ADRA2C: variants seen among roughly 807,000 people sequenced by gnomAD.
The protein encoded by ADRA2C is alpha-2C adrenergic receptor.
A neutral mutation model predicts 7.9 loss-of-function variants in ADRA2C; 4 were observed. That is an observed-to-expected ratio of 0.51 (90% CI 0.25 to 1.16). The LOEUF (loss-of-function observed/expected upper bound fraction) is 1.16, where lower values mean the gene tolerates loss of function less well. Ranked by LOEUF, ADRA2C falls within the 50% of genes most tolerant of loss-of-function variation. The pLI is 0.15. For synonymous variants in ADRA2C, 368 were observed against 328.9 expected, an observed-to-expected ratio of 1.12 and a Z score of -1.29; for missense variants, 589 against 677.7, an observed-to-expected ratio of 0.87 and a Z score of 1.45.
chr4:3,767,372 G>A lies in ADRA2C; in HGVS notation c.766G>A (p.Ala256Thr), dbSNP rs1477215171. The A allele has an allele frequency of 3.2e-6, 5 of 1,540,678 alleles. No individual in the cohort carries two copies. The South Asian group carries it at 5.9e-5, about 18-fold the overall frequency. ...GCGCGCCCCCGTGGGCCCCGACGGTGCGTCCCCGACTACCGAAAACGGGCT... is the reference window on the plus strand; with the variant it reads ...GCGCGCCCCCGTGGGCCCCGACGGTACGTCCCCGACTACCGAAAACGGGCT... Reference protein sequence around the residue: ...EKRAPVGPDGASPTTENGLGA... With the variant: ...EKRAPVGPDGTSPTTENGLGA... Residue 256 changes from alanine to threonine, a missense_variant, in exon 1 of 1, where the codon GCG becomes ACG. Coordinates refer to ENST00000330055, the MANE Select transcript of ADRA2C (RefSeq NM_000683.4).
Position 3,766,769 on chromosome 4 carries a change from G to A in ADRA2C, c.163G>A (p.Ala55Thr), listed in dbSNP as rs1474771226. Residue 55 changes from alanine (A) to threonine (T), a missense_variant, in exon 1 of 1, where the codon GCT (alanine) becomes ACT (threonine). Transcript: ENST00000330055. This position sits in a 1 kb window ranked among gnomAD's most constrained non-coding sequence, Gnocchi z 4.5. ...QYSAGAVAGL[A>T]AVVGFLIVFT... ...CTCGGCGGGCGCGGTGGCAGGGCTG[G>A]CTGCCGTGGTGGGCTTCCTCATCGT... is the stretch of plus-strand genomic sequence containing the variant. 1 of 1,542,202 alleles carries A rather than the reference G, an allele frequency of 6.5e-7. No homozygotes were observed. The highest frequency in any genetic ancestry group is 2.4e-5 in the East Asian group (1 of 41,078).
In ADRA2C at chr4:3,766,569, C is replaced by T; in HGVS notation, c.-38C>T. The T allele has an allele frequency of 8.8e-7, 1 of 1,137,470 alleles. No individual in the cohort carries two copies. Among genetic ancestry groups the T allele is most frequent in the Non-Finnish European group, 1.1e-6 (1 of 928,406 alleles). The allele number at this position is 1,137,470 out of a possible 1,614,324, so 70.5% of individuals were successfully genotyped here. ...GCGCCCGAGCTGCCGCGGCTGCGCC[C>T]CGGCTCCAGGAGGGACGGCGTAGCT... On this transcript the variant is annotated 5_prime_UTR_variant, in exon 1 of 1. Coordinates refer to ENST00000330055, the MANE Select transcript of ADRA2C (RefSeq NM_000683.4). This position sits in a 1 kb window ranked among gnomAD's most constrained non-coding sequence, Gnocchi z 4.5.
Position 3,767,286 on chromosome 4 carries a change from G to C in ADRA2C, c.680G>C (p.Gly227Ala). Residue 227 changes from glycine to alanine, a missense_variant, in exon 1 of 1, where the codon GGC becomes GCC. Coordinates refer to ENST00000330055, the MANE Select transcript of ADRA2C (RefSeq NM_000683.4). ...GSFFAPCLIM[G>A]LVYARIYRVA... ...TTCTTCGCGCCCTGCCTCATCATGG[G>C]CCTGGTCTACGCGCGCATCTACCGA... 1 of 1,599,634 alleles carries C rather than the reference G, an allele frequency of 6.3e-7. No homozygotes were observed. The highest frequency in any genetic ancestry group is 8.5e-7 in the Non-Finnish European group (1 of 1,174,284).
At position 3,767,785 on chromosome 4, in the gene ADRA2C, C is replaced by G. The variant is rs765250171; in HGVS notation, c.1179C>G (p.Leu393=). ...VLAVVMGVFV[L]CWFPFFFSYS... Reference sequence around the variant, plus strand: ...CTGTGGTCATGGGCGTGTTCGTGCTCTGCTGGTTCCCCTTCTTCTTCAGCT... The same window carrying G: ...CTGTGGTCATGGGCGTGTTCGTGCTGTGCTGGTTCCCCTTCTTCTTCAGCT... The change falls in exon 1 of 1, where the codon CTC becomes CTG. Residue 393 remains leucine, a synonymous_variant. Coordinates refer to ENST00000330055, the MANE Select transcript of ADRA2C (RefSeq NM_000683.4). The G allele has an allele frequency of 4.3e-6, 7 of 1,613,170 alleles. No homozygotes were observed. The African/African-American group carries it at 5.3e-5, about 12-fold the overall frequency.
Position 3,767,174 on chromosome 4 carries a change from C to G in ADRA2C, c.568C>G (p.Leu190Val), listed in dbSNP as rs1735465196. The change falls in exon 1 of 1, where the codon CTC becomes GTC. Residue 190 changes from leucine (L) to valine (V), a missense_variant. Coordinates refer to ENST00000330055, the MANE Select transcript of ADRA2C (RefSeq NM_000683.4). ...AVISFPPLVS[L>V]YRQPDGAAYP... ...CATCTCCTTCCCGCCGCTGGTCTCG[C>G]TCTACCGCCAGCCCGACGGCGCCGC... is the stretch of plus-strand genomic sequence containing the variant. 1.9e-6 allele frequency: 3 copies of G among 1,609,944 alleles called. No homozygotes were observed. The highest frequency in any genetic ancestry group is 2.5e-6 in the Non-Finnish European group (3 of 1,179,674).
chr4:3,768,014 T>G lies in ADRA2C; in HGVS notation c.*19T>G, dbSNP rs1267773185. The G allele has an allele frequency of 6.3e-7, 1 of 1,595,872 alleles. No homozygotes were observed. Among genetic ancestry groups the G allele is most frequent in the African/African-American group, 1.3e-5 (1 of 74,448 alleles). On this transcript the variant is annotated 3_prime_UTR_variant, in exon 1 of 1. Coordinates refer to ENST00000330055, the MANE Select transcript of ADRA2C (RefSeq NM_000683.4). ...GCAGTGACTCGCACCCGTCTGGGAATCCTGGACAGCTCCGCGCTCGGGGCT... is the reference window on the plus strand; with the variant it reads ...GCAGTGACTCGCACCCGTCTGGGAAGCCTGGACAGCTCCGCGCTCGGGGCT...
At position 3,766,719 on chromosome 4, in the gene ADRA2C, C is replaced by T. The variant is rs761789033; in HGVS notation, c.113C>T (p.Ser38Phe). 1.1e-5 allele frequency: 16 copies of T among 1,467,666 alleles called. No individual in the cohort carries two copies. Among genetic ancestry groups the T allele is most frequent in the South Asian group, 5.7e-5 (4 of 70,116 alleles). The allele number at this position is 1,467,666 out of a possible 1,614,324, so 90.9% of individuals were successfully genotyped here. A position where few individuals can be genotyped will look rare whatever the true frequency, so the allele number is the denominator to read the frequency against. Residue 38 changes from serine to phenylalanine, a missense_variant, in exon 1 of 1, where the codon TCC becomes TTC. Coordinates refer to ENST00000330055, the MANE Select transcript of ADRA2C (RefSeq NM_000683.4). This position sits in a 1 kb window ranked among gnomAD's most constrained non-coding sequence, Gnocchi z 4.5. ...GGGGTTGCCAATGCCTCGGGGGCTTCCTGGGGGCCGCCGCGCGGCCAGTAC... is the reference window on the plus strand; with the variant it reads ...GGGGTTGCCAATGCCTCGGGGGCTTTCTGGGGGCCGCCGCGCGGCCAGTAC... ...SGGVANASGA[S>F]WGPPRGQYSA... is the part of the protein sequence containing the mutation.
At position 3,766,683 on chromosome 4, in the gene ADRA2C, G is replaced by A; in HGVS notation, c.77G>A (p.Arg26Lys). The change falls in exon 1 of 1, where the codon AGG (arginine) becomes AAG (lysine). Residue 26 changes from arginine to lysine, a missense_variant. By Grantham distance (26) the Arg-to-Lys change is conservative. Coordinates refer to ENST00000330055, the MANE Select transcript of ADRA2C (RefSeq NM_000683.4). The surrounding 1 kb of genome is among the most constrained non-coding windows in gnomAD (Gnocchi z 4.5). ...CCCAATGCGAGCGGCGCGGGCGAGA[G>A]GGGCAGCGGCGGGGTTGCCAATGCC... The part of the protein sequence containing the change: ...AGPNASGAGE[R>K]GSGGVANASG... 7.1e-7 allele frequency: 1 copy of A among 1,411,438 alleles called. No individual in the cohort carries two copies. 87.4% of individuals were successfully genotyped at this position (1,411,438 alleles called of 1,614,324 possible).
Position 3,768,479 on chromosome 4 carries a change from A to G in ADRA2C, c.*484A>G. 1.7e-6 allele frequency: 1 copy of G among 593,170 alleles called. No individual in the cohort carries two copies. Among genetic ancestry groups the G allele is most frequent in the Non-Finnish European group, 3.1e-6 (1 of 325,696 alleles). The allele number at this position is 593,170 out of a possible 1,614,324, so 36.7% of individuals were successfully genotyped here. ...AGTATTTAAATGTTTGCCAAAAACAACAGCCAAAACAACCAAACTATTTTC... is the reference window on the plus strand; with the variant it reads ...AGTATTTAAATGTTTGCCAAAAACAGCAGCCAAAACAACCAAACTATTTTC... On this transcript the variant is annotated 3_prime_UTR_variant, in exon 1 of 1. Coordinates refer to ENST00000330055, the MANE Select transcript of ADRA2C (RefSeq NM_000683.4).
At position 3,768,477 on chromosome 4, in the gene ADRA2C, C is replaced by T. The variant is rs1333852508; in HGVS notation, c.*482C>T. 3 of 592,728 alleles carry T rather than the reference C, an allele frequency of 5.1e-6. No homozygotes were observed. Among genetic ancestry groups the T allele is most frequent in the African/African-American group, 1.9e-5 (1 of 52,858 alleles). The allele number at this position is 592,728 out of a possible 1,614,324, so 36.7% of individuals were successfully genotyped here. A position where few individuals can be genotyped will look rare whatever the true frequency, so the allele number is the denominator to read the frequency against. ...AAAGTATTTAAATGTTTGCCAAAAA[C>T]AACAGCCAAAACAACCAAACTATTT... On this transcript the variant is annotated 3_prime_UTR_variant, in exon 1 of 1. Transcript: ENST00000330055.
In ADRA2C at chr4:3,767,178, A is replaced by C. The variant is rs780306885; in HGVS notation, c.572A>C (p.Tyr191Ser). ...VISFPPLVSL[Y>S]RQPDGAAYPQ... ...TCCTTCCCGCCGCTGGTCTCGCTCT[A>C]CCGCCAGCCCGACGGCGCCGCCTAC... Residue 191 changes from tyrosine to serine, a missense_variant, in exon 1 of 1, where the codon TAC becomes TCC. Coordinates refer to ENST00000330055, the MANE Select transcript of ADRA2C (RefSeq NM_000683.4). The C allele has an allele frequency of 6.2e-7, 1 of 1,609,738 alleles. No individual in the cohort carries two copies. The highest frequency in any genetic ancestry group is 8.5e-7 in the Non-Finnish European group (1 of 1,179,590).
In ADRA2C at chr4:3,767,149, C is replaced by T; in HGVS notation, c.543C>T (p.Val181=). Residue 181 remains valine (V), a synonymous_variant, in exon 1 of 1, where the codon GTC becomes GTT. Coordinates refer to ENST00000330055, the MANE Select transcript of ADRA2C (RefSeq NM_000683.4). ...TGGCCGTGTGGCTCATCTCGGCCGT[C>T]ATCTCCTTCCCGCCGCTGGTCTCGC... ...TIVAVWLISA[V]ISFPPLVSLY... 6.2e-7 allele frequency: 1 copy of T among 1,608,124 alleles called. No homozygotes were observed. The highest frequency in any genetic ancestry group is 8.5e-7 in the Non-Finnish European group (1 of 1,179,442).
rs1191031782 is a variant in ADRA2C, at chr4:3,767,404, G to A, written c.798G>A (p.Ala266=). The part of the protein sequence containing the change: ...ASPTTENGLG[A]AAGAGENGHC... ...CGACTACCGAAAACGGGCTGGGCGCGGCGGCAGGCGCAGGCGAGAACGGGC... is the reference window on the plus strand; with the variant it reads ...CGACTACCGAAAACGGGCTGGGCGCAGCGGCAGGCGCAGGCGAGAACGGGC... Residue 266 remains alanine, a synonymous_variant, in exon 1 of 1, where the codon GCG becomes GCA. Transcript: ENST00000330055. 1.3e-6 allele frequency: 2 copies of A among 1,533,424 alleles called. No individual in the cohort carries two copies. The highest frequency in any genetic ancestry group is 2.5e-5 in the East Asian group (1 of 40,696). 95.0% of individuals were successfully genotyped at this position (1,533,424 alleles called of 1,614,324 possible).
chr4:3,768,109 A>T lies in ADRA2C; in HGVS notation c.*114A>T. ...GGGGATGGATTGGCCTCCAGGGCGC[A>T]GGGGAGGGTGCGGCAGGGCAGGAGC... is the stretch of plus-strand genomic sequence containing the variant. On this transcript the variant is annotated 3_prime_UTR_variant, in exon 1 of 1. Transcript: ENST00000330055. 1 of 1,117,346 alleles carries T rather than the reference A, an allele frequency of 8.9e-7. No homozygotes were observed. Among genetic ancestry groups the T allele is most frequent in the Non-Finnish European group, 1.3e-6 (1 of 769,562 alleles). The allele number at this position is 1,117,346 out of a possible 1,614,324, so 69.2% of individuals were successfully genotyped here. A position where few individuals can be genotyped will look rare whatever the true frequency, so the allele number is the denominator to read the frequency against.
At position 3,767,485 on chromosome 4, in the gene ADRA2C, G is replaced by A; in HGVS notation, c.879G>A (p.Glu293=). 1 of 1,216,484 alleles carries A rather than the reference G, an allele frequency of 8.2e-7. No homozygotes were observed. Among genetic ancestry groups the A allele is most frequent in the South Asian group, 3.7e-5 (1 of 27,250 alleles). 75.4% of individuals were successfully genotyped at this position (1,216,484 alleles called of 1,614,324 possible). A position where few individuals can be genotyped will look rare whatever the true frequency, so the allele number is the denominator to read the frequency against. The change falls in exon 1 of 1, where the codon GAG becomes GAA. Residue 293 remains glutamate, a synonymous_variant. Transcript: ENST00000330055. The part of the protein sequence containing the change: ...VEPDESSAAA[E]RRRRRGALRR... ...CGGACGAGAGCAGCGCAGCGGCCGA[G>A]AGGCGGCGGCGCCGGGGCGCGTTGC...
Position 3,767,815 on chromosome 4 carries a change from C to A in ADRA2C, c.1209C>A (p.Ser403Arg). ...LCWFPFFFSY[S>R]LYGICREACQ... ...GGTTCCCCTTCTTCTTCAGCTACAGCCTGTACGGCATCTGCCGCGAGGCCT... is the reference window on the plus strand; with the variant it reads ...GGTTCCCCTTCTTCTTCAGCTACAGACTGTACGGCATCTGCCGCGAGGCCT... Residue 403 changes from serine (S) to arginine (R), a missense_variant, in exon 1 of 1, where the codon AGC becomes AGA. Ser to Arg is a moderately radical substitution (Grantham distance 110). Coordinates refer to ENST00000330055, the MANE Select transcript of ADRA2C (RefSeq NM_000683.4). 4 of 1,613,278 alleles carry A rather than the reference C, an allele frequency of 2.5e-6. No homozygotes were observed. The highest frequency in any genetic ancestry group is 3.4e-6 in the Non-Finnish European group (4 of 1,179,862).
Position 3,767,023 on chromosome 4 carries a change from C to T in ADRA2C, c.417C>T (p.Ile139=), listed in dbSNP as rs777755170. Residue 139 remains isoleucine, a synonymous_variant, in exon 1 of 1, where the codon ATC becomes ATT. Transcript: ENST00000330055. ...ALDVLFCTSS[I]VHLCAISLDR... is the part of the protein sequence containing the mutation. ...ATGTGCTGTTTTGCACCTCGTCGAT[C>T]GTGCATCTGTGTGCCATCAGCCTGG... The T allele has an allele frequency of 2.5e-6, 4 of 1,611,484 alleles. No individual in the cohort carries two copies. The highest frequency in any genetic ancestry group is 3.3e-5 in the Admixed American group (2 of 60,018).
In ADRA2C at chr4:3,766,487, C is replaced by A. The variant is rs1735428521; in HGVS notation, c.-120C>A. 3 of 734,980 alleles carry A rather than the reference C, an allele frequency of 4.1e-6. No individual in the cohort carries two copies. Among genetic ancestry groups the A allele is most frequent in the African/African-American group, 1.9e-5 (1 of 51,872 alleles). The allele number at this position is 734,980 out of a possible 1,614,324, so 45.5% of individuals were successfully genotyped here. Reference sequence around the variant, plus strand: ...GGGCCGGCTGCTGGGCGCCGCGGTCCCCGGCGGGCGCGCCCGAGCAGCAGG... The same window carrying A: ...GGGCCGGCTGCTGGGCGCCGCGGTCACCGGCGGGCGCGCCCGAGCAGCAGG... On this transcript the variant is annotated 5_prime_UTR_variant, in exon 1 of 1. Transcript: ENST00000330055. The surrounding 1 kb of genome is among the most constrained non-coding windows in gnomAD (Gnocchi z 4.5).
rs1178877075 is a variant in ADRA2C, at chr4:3,766,988, C to G, written c.382C>G (p.Leu128Val). Reference sequence around the variant, plus strand: ...CGGGCAGGTGTGGTGCGGCGTGTACCTGGCGCTCGATGTGCTGTTTTGCAC... The same window carrying G: ...CGGGCAGGTGTGGTGCGGCGTGTACGTGGCGCTCGATGTGCTGTTTTGCAC... ...YFGQVWCGVY[L>V]ALDVLFCTSS... The change falls in exon 1 of 1, where the codon CTG becomes GTG. Residue 128 changes from leucine (L) to valine (V), a missense_variant. Leu to Val is a conservative substitution (Grantham distance 32). Transcript: ENST00000330055. This position sits in a 1 kb window ranked among gnomAD's most constrained non-coding sequence, Gnocchi z 4.5. The G allele has an allele frequency of 2.5e-6, 4 of 1,611,218 alleles. No individual in the cohort carries two copies. The highest frequency in any genetic ancestry group is 3.4e-6 in the Non-Finnish European group (4 of 1,179,906).
Sources: gnomAD v4.1 joint callset for allele counts on GRCh38, gnomAD v4.1.1 for gene constraint, Gnocchi (gnomAD v3.1) non-coding constraint, MANE v1.5 for transcripts, NCBI Gene and HGNC (gene_info 2026-07-23, HGNC 2026-07-21) for gene names.